The following CYSLTR1 variants were observed in gnomAD, a reference collection of about 807,000 sequenced individuals.
CYSLTR1 encodes G-protein coupled receptor HG55.
CYSLTR1 carries 1 observed loss-of-function variant against 2.1 expected under a neutral mutation model. The observed-to-expected ratio is 0.48, with a 90% CI of 0.17 to 2.28. The LOEUF (loss-of-function observed/expected upper bound fraction) is 2.28, where lower values mean the gene tolerates loss of function less well. Among genes scored for constraint, CYSLTR1 ranks in the 30% most tolerant of loss-of-function variants. The pLI is 0.26. For synonymous variants in CYSLTR1, 110 were observed against 89.6 expected, an observed-to-expected ratio of 1.23 and a Z score of -1.28; for missense variants, 299 against 250.1, an observed-to-expected ratio of 1.20 and a Z score of -1.32.
intron 2 of CYSLTR1, among the ~76,000 whole-genome samples, chrX:78,280,485 C>G (rs903743600): frequency 2.8e-5 from 3 of 106,691 alleles, no homozygotes; most frequent in Non-Finnish European, 5.8e-5. Flanking sequence ...AGTTAATCAA[C>G]ACATCCATTA....
Position 78,272,901 on chromosome X carries a change from A to T in CYSLTR1, c.846T>A (p.Ser282=), listed in dbSNP as rs773104390. 1 of 1,211,595 alleles carries T rather than the reference A, an allele frequency of 8.3e-7. No homozygotes were observed. Among genetic ancestry groups the T allele is most frequent in the Non-Finnish European group, 1.1e-6 (1 of 895,475 alleles). The change falls in exon 3 of 3, where the codon TCT becomes TCA. Residue 282 remains serine, a synonymous_variant. Coordinates refer to ENST00000373304, the MANE Select transcript of CYSLTR1 (RefSeq NM_006639.4). The stretch of plus-strand genomic sequence containing the variant: ...CAAAGCAACAATTGGATGCAGCCAG[A>T]GACAAGGTTATGACCACGGACTTCT... The part of the protein sequence containing the change: ...RMQKSVVITL[S]LAASNCCFDP...
At chrX:78,321,524 C>T (rs186593063) in intron 1 of CYSLTR1, 1 of 110,306 alleles carries the variant, frequency 9.1e-6, no homozygotes, top group Non-Finnish European at 1.9e-5. Flanking sequence ...AACACCATCT[C>T]TCCTAAAAAT....
intron 1 of CYSLTR1, among the ~76,000 whole-genome samples, chrX:78,301,950 G>T (rs1270831645): frequency 8.9e-6 from 1 of 112,282 alleles, no homozygotes; most frequent in Non-Finnish European, 1.9e-5. Context: ...AGGCAAGAGA[G>T]AAAGCTTGTG....
At chrX:78,316,567 C>T (rs1923428154) in intron 1 of CYSLTR1, among the ~76,000 whole-genome samples, 1 of 111,849 alleles carries the variant, frequency 8.9e-6, no homozygotes, top group South Asian at 3.7e-4. Context: ...CTGGCCTTGC[C>T]AACTGTGTGG....
At chrX:78,308,748 C>A (rs188922048) in intron 1 of CYSLTR1, among the ~76,000 whole-genome samples, 7 of 111,988 alleles carry the variant, frequency 6.3e-5, no homozygotes, top group African/African-American at 2.3e-4. Flanking sequence ...TGCTTCTTAA[C>A]TGAAACTCCT....
chrX:78,291,164 G>A (rs964538637), intron 1 of CYSLTR1, among the ~76,000 whole-genome samples: 14 of 111,766 alleles, frequency 1.3e-4, no homozygotes, highest in Admixed American at 3.8e-4. Flanking sequence ...TTTTTAGCAT[G>A]AAGGGCTGTT....
chrX:78,315,248 T>A (rs1317807425), intron 1 of CYSLTR1, among the ~76,000 whole-genome samples: 1 of 109,266 alleles, frequency 9.2e-6, no homozygotes, highest in Non-Finnish European at 1.9e-5. Flanking sequence ...GGGCCTTGAA[T>A]AAACAGAAAT....
rs1158147902 is a variant in CYSLTR1, at chrX:78,304,752, T to A, written c.-114-21212A>T. ...TAGACCCATTTAGATTAAGTAAATTTACTGAGGCTCCAGAGGAAGATCTTC... is the reference window on the plus strand; with the variant it reads ...TAGACCCATTTAGATTAAGTAAATTAACTGAGGCTCCAGAGGAAGATCTTC... On this transcript the variant is annotated intron_variant, in intron 1 of 2. Coordinates refer to ENST00000373304, the MANE Select transcript of CYSLTR1 (RefSeq NM_006639.4). Among the ~76,000 whole-genome samples, 4 of 111,488 alleles carry A rather than the reference T, an allele frequency of 3.6e-5. No homozygotes were observed. In the Admixed American group the frequency reaches 3.8e-4, roughly 11 times the overall value.
At chrX:78,324,407 C>T (rs192601258) in intron 1 of CYSLTR1, among the ~76,000 whole-genome samples, 67 of 112,251 alleles carry the variant, frequency 6.0e-4, no homozygotes, top group South Asian at 1.8e-3. Flanking sequence ...CTCGCTTTGT[C>T]GCCCGGCTTG....
chrX:78,289,356 T>G (rs1324077795), intron 1 of CYSLTR1, among the ~76,000 whole-genome samples: 3 of 112,393 alleles, frequency 2.7e-5, no homozygotes, highest in African/African-American at 9.7e-5. Context: ...CTTTATCCAG[T>G]CTATCATTGA....
intron 1 of CYSLTR1, among the ~76,000 whole-genome samples, chrX:78,301,417 G>T (rs1329488600): frequency 8.9e-6 from 1 of 112,005 alleles, no homozygotes; most frequent in Non-Finnish European, 1.9e-5. Flanking sequence ...TTGCTGCTTA[G>T]AAATTTCTTC....
intron 1 of CYSLTR1, among the ~76,000 whole-genome samples, chrX:78,288,757 A>G (rs1420634552): frequency 9.0e-6 from 1 of 111,270 alleles, no homozygotes; most frequent in African/African-American, 3.3e-5. Flanking sequence ...CAAATAAATT[A>G]TTATTCACTA....
intron 2 of CYSLTR1, among the ~76,000 whole-genome samples, chrX:78,274,796 AC>A (rs1921500955): frequency 9.0e-6 from 1 of 111,242 alleles, no homozygotes; most frequent in Non-Finnish European, 1.9e-5. Context: ...CAGGCAACCT[AC>A]AGAATGGGAG....
At chrX:78,286,045 C>G (rs1922056129) in intron 1 of CYSLTR1, among the ~76,000 whole-genome samples, 1 of 111,703 alleles carries the variant, frequency 9.0e-6, no homozygotes, top group South Asian at 3.7e-4. Flanking sequence ...TTAAGAAGCC[C>G]CTATTCTTAT....
rs192372322 is a variant in CYSLTR1 at position 78,313,359 on chromosome X, G to A, written c.-115+13946C>T. ...CATGGGCTGAAAAAATACCTATTGGGTACTATGTTCCCTACCTGGGTGTTG... is the reference window on the plus strand; with the variant it reads ...CATGGGCTGAAAAAATACCTATTGGATACTATGTTCCCTACCTGGGTGTTG... On this transcript the variant is annotated intron_variant, in intron 1 of 2. Coordinates refer to ENST00000373304, the MANE Select transcript of CYSLTR1 (RefSeq NM_006639.4). Among the ~76,000 whole-genome samples the A allele has an allele frequency of 3.9e-3, 430 of 110,769 alleles. 1 individual carries two copies. The highest frequency in any genetic ancestry group is 0.014 in the African/African-American group (416 of 30,433).
At position 78,273,697 on chromosome X, in the gene CYSLTR1, G is replaced by A. The variant is rs776043273; in HGVS notation, c.50C>T (p.Thr17Ile). Residue 17 changes from threonine to isoleucine, a missense_variant, in exon 3 of 3, where the codon ACT becomes ATT. Transcript: ENST00000373304. ...LTVSSATCHD[T>I]IDDFRNQVYS... ...CACTTGATTGCGGAAGTCATCAATA[G>A]TGTCATGGCATGTGGCAGAAGATAC... 1.7e-6 allele frequency: 2 copies of A among 1,208,386 alleles called. No homozygotes were observed. The highest frequency in any genetic ancestry group is 3.5e-5 in the South Asian group (2 of 56,569).
intron 1 of CYSLTR1, among the ~76,000 whole-genome samples, chrX:78,314,680 G>A (rs1358928265): frequency 9.0e-6 from 1 of 110,898 alleles, no homozygotes; most frequent in African/African-American, 3.3e-5. Context: ...AAGAAGAACT[G>A]GATGAAACTC....
intron 1 of CYSLTR1, among the ~76,000 whole-genome samples, chrX:78,317,725 G>A (rs1178976548): frequency 8.9e-6 from 1 of 112,425 alleles, no homozygotes; most frequent in African/African-American, 3.2e-5. Context: ...AGTAGATCAG[G>A]AATGGAAAAC....
At chrX:78,294,423 T>C (rs1031836788) in intron 1 of CYSLTR1, among the ~76,000 whole-genome samples, 1 of 112,800 alleles carries the variant, frequency 8.9e-6, no homozygotes, top group Non-Finnish European at 1.9e-5. Flanking sequence ...CCTGTTAGTC[T>C]ACACGGGGTT....
Sources: gnomAD v4.1 joint callset for allele counts (sites outside exome capture counted in the v4.1 genomes callset) on GRCh38, gnomAD v4.1.1 for gene constraint, MANE v1.5 for transcripts, NCBI Gene and HGNC (gene_info 2026-07-23, HGNC 2026-07-21) for gene names.